Variants in DNAJC12 observed in about 807,000 individuals in gnomAD.
The protein encoded by DNAJC12 is dnaJ homolog subfamily C member 12.
In DNAJC12, 25 loss-of-function variants were observed where a neutral mutation model predicts 28.5. The observed-to-expected ratio is 0.88, with a 90% CI of 0.64 to 1.22. The LOEUF (loss-of-function observed/expected upper bound fraction) is 1.22. Among genes scored for constraint, DNAJC12 ranks in the 50% most tolerant of loss-of-function variants. The pLI is 0.00. For synonymous variants in DNAJC12, 77 were observed against 80.6 expected, an observed-to-expected ratio of 0.95 and a Z score of 0.24; for missense variants, 222 against 231.7, an observed-to-expected ratio of 0.96 and a Z score of 0.27.
intron 4 of DNAJC12, among the ~76,000 whole-genome samples, chr10:67,798,643 C>T (rs1413222333): frequency 6.6e-6 from 1 of 152,014 alleles, no homozygotes; most frequent in Non-Finnish European, 1.5e-5. Flanking sequence ...GAGGGTGCCA[C>T]TGCACTCAAG....
At chr10:67,811,210 C>T (rs1164540704) in intron 3 of DNAJC12, 2 of 912,744 alleles carry the variant, frequency 2.2e-6, no homozygotes, top group Non-Finnish European at 2.7e-6. Flanking sequence ...CTCAGCAATT[C>T]ATGAGCAACT....
chr10:67,799,938 A>C (rs1841723949), intron 4 of DNAJC12, among the ~76,000 whole-genome samples: 1 of 151,220 alleles, frequency 6.6e-6, no homozygotes, highest in South Asian at 2.1e-4. Context: ...TGCAGACAAG[A>C]ACTTGAAACA....
chr10:67,823,466 T>C (rs749144175), intron 1 of DNAJC12, 74 bp from the exon 2 acceptor site: 21 of 1,303,896 alleles, frequency 1.6e-5, no homozygotes, highest in Middle Eastern at 1.8e-4. Context: ...TCTCAACACT[T>C]TGGGAGGCTG....
chr10:67,819,532 G>A (rs934088886), intron 2 of DNAJC12, among the ~76,000 whole-genome samples: 3 of 151,214 alleles, frequency 2.0e-5, no homozygotes, highest in African/African-American at 4.9e-5. Flanking sequence ...CCAGCTTCTC[G>A]GGAGGCTGAG....
intron 2 of DNAJC12, among the ~76,000 whole-genome samples, chr10:67,812,801 G>A (rs564322949): frequency 2.3e-3 from 353 of 150,908 alleles, no homozygotes; most frequent in African/African-American, 5.6e-3. Context: ...GCAGTGAGCC[G>A]AGATTGTGCC....
chr10:67,803,251 A>C (rs1841766093), intron 4 of DNAJC12, among the ~76,000 whole-genome samples: 1 of 152,222 alleles, frequency 6.6e-6, no homozygotes, highest in African/African-American at 2.4e-5. Context: ...AGCTTGTCCA[A>C]GGTCATACAA....
At chr10:67,803,002 G>A (rs575363149) in intron 4 of DNAJC12, among the ~76,000 whole-genome samples, 4 of 130,746 alleles carry the variant, frequency 3.1e-5, no homozygotes, top group African/African-American at 1.1e-4. Flanking sequence ...CACCACTCCT[G>A]GCTAATTTTC....
chr10:67,835,780 A>G (rs1842137364), intron 1 of DNAJC12, among the ~76,000 whole-genome samples: 1 of 152,134 alleles, frequency 6.6e-6, no homozygotes, highest in Admixed American at 6.6e-5. Flanking sequence ...ATTATGACAA[A>G]CATTTCATTA....
At chr10:67,819,660 G>GAGAAAGAAAGAAAGAAAGAAAGAA (rs60688341) in intron 2 of DNAJC12, among the ~76,000 whole-genome samples, 27 of 34,912 alleles carry the variant, frequency 7.7e-4, no homozygotes, top group African/African-American at 1.1e-3. Context: ...AAGAAAGAAA[G>GAGAAAGAAAGAAAGAAAGAAAGAA]AGAAAGAAAG....
chr10:67,802,098 A>C (rs1350618746), intron 4 of DNAJC12, among the ~76,000 whole-genome samples: 1 of 151,920 alleles, frequency 6.6e-6, no homozygotes, highest in East Asian at 1.9e-4. Context: ...TCCTGGACTC[A>C]AGCGATCCTC....
chr10:67,806,605 T>C (rs1413070803), intron 3 of DNAJC12, among the ~76,000 whole-genome samples: 2 of 151,970 alleles, frequency 1.3e-5, no homozygotes, highest in Non-Finnish European at 2.9e-5. Context: ...GGGTGGATCA[T>C]TTGAGGCAAG....
At chr10:67,801,323 C>T (rs1171818075) in intron 4 of DNAJC12, among the ~76,000 whole-genome samples, 2 of 152,126 alleles carry the variant, frequency 1.3e-5, no homozygotes, top group Admixed American at 1.3e-4. Flanking sequence ...TAAAAATTTA[C>T]GCTGCAGTAA....
chr10:67,804,893 A>G (rs1365451115), intron 4 of DNAJC12, among the ~76,000 whole-genome samples: 5 of 152,136 alleles, frequency 3.3e-5, no homozygotes, highest in Non-Finnish European at 7.4e-5. Context: ...TTAGCCAGGC[A>G]TCATGGCAGG....
intron 3 of DNAJC12, among the ~76,000 whole-genome samples, chr10:67,807,464 T>C (rs1315527338): frequency 6.6e-6 from 1 of 152,096 alleles, no homozygotes. Flanking sequence ...AACGTTAATT[T>C]TTAAAAGAGG....
At chr10:67,812,030 G>A (rs1300073691) in intron 2 of DNAJC12, among the ~76,000 whole-genome samples, 2 of 152,138 alleles carry the variant, frequency 1.3e-5, no homozygotes, top group African/African-American at 4.8e-5. Flanking sequence ...AGTGCTGGGT[G>A]TGAAACAGGG....
chr10:67,816,112 CT>C (rs1331522686), intron 2 of DNAJC12: 32 of 398,316 alleles, frequency 8.0e-5, no homozygotes, highest in Non-Finnish European at 1.2e-4. Context: ...GCGAGACATT[CT>C]GATTTAACTC....
intron 1 of DNAJC12, among the ~76,000 whole-genome samples, chr10:67,836,557 C>T (rs1262376005): frequency 6.6e-6 from 1 of 152,038 alleles, no homozygotes; most frequent in African/African-American, 2.4e-5. Flanking sequence ...CTGTGAATAA[C>T]ACATGGTAAA....
At chr10:67,815,800 T>A (rs929881079) in intron 2 of DNAJC12, among the ~76,000 whole-genome samples, 1 of 152,330 alleles carries the variant, frequency 6.6e-6, no homozygotes, top group East Asian at 1.9e-4. Flanking sequence ...TCTTTTCACA[T>A]CATTGTTGGC....
At chr10:67,817,511 T>C (rs1841927551) in intron 2 of DNAJC12, among the ~76,000 whole-genome samples, 1 of 152,240 alleles carries the variant, frequency 6.6e-6, no homozygotes, top group African/African-American at 2.4e-5. Context: ...CTTAATTAGA[T>C]ACATTTCAAA....
Sources: allele counts gnomAD v4.1 joint callset (sites outside exome capture counted in the v4.1 genomes callset), GRCh38; gene constraint gnomAD v4.1.1; transcripts MANE v1.5; gene names NCBI Gene and HGNC (gene_info 2026-07-23, HGNC 2026-07-21).